The following NDUFS6 variants were observed in gnomAD, a reference collection of about 807,000 sequenced individuals.
NDUFS6 encodes the protein NADH dehydrogenase [ubiquinone] iron-sulfur protein 6, mitochondrial.
A neutral mutation model predicts 13.2 loss-of-function variants in NDUFS6; 14 were observed. The observed-to-expected ratio is 1.06, with a 90% CI of 0.70 to 1.66. The LOEUF (loss-of-function observed/expected upper bound fraction) is 1.66. Among genes scored for constraint, NDUFS6 ranks in the 40% most tolerant of loss-of-function variants. The pLI, the probability that NDUFS6 is intolerant of heterozygous loss-of-function variation, is 0.00. For synonymous variants in NDUFS6, 95 were observed against 72.3 expected (o/e 1.31, Z -1.60); for missense variants, 206 against 170.8 (o/e 1.21, Z -1.15).
intron 2 of NDUFS6, among the ~76,000 whole-genome samples, chr5:1,809,496 G>A (rs1350482433): frequency 5.3e-5 from 8 of 152,270 alleles, no homozygotes; most frequent in East Asian, 1.9e-4. Context: ...GTATTCCTGC[G>A]GTTGCACTGA....
Position 1,814,365 on chromosome 5 carries a change from G to C in NDUFS6, c.213G>C (p.Leu71Phe), listed in dbSNP as rs35349407. Residue 71 changes from leucine (L) to phenylalanine (F), a missense_variant, in exon 3 of 4, where the codon TTG becomes TTC. Leu to Phe is a conservative substitution (Grantham distance 22). Coordinates refer to ENST00000274137, the MANE Select transcript of NDUFS6 (RefSeq NM_004553.6). This position sits in a 1 kb window ranked among gnomAD's most constrained non-coding sequence, Gnocchi z 4.9. ...KEVNENFAID[L>F]IAEQPVSEVE... ...TGAATGAAAACTTTGCCATTGATTTGATAGCAGAGCAGCCCGTGAGCGAGG... is the reference window on the plus strand; with the variant it reads ...TGAATGAAAACTTTGCCATTGATTTCATAGCAGAGCAGCCCGTGAGCGAGG... 2 of 1,614,186 alleles carry C rather than the reference G, an allele frequency of 1.2e-6. No homozygotes were observed. Among genetic ancestry groups the C allele is most frequent in the Non-Finnish European group, 1.7e-6 (2 of 1,180,030 alleles).
chr5:1,815,707 C>G (rs10078791), intron 3 of NDUFS6, 144 bp from the exon 4 acceptor site: 2 of 883,722 alleles, frequency 2.3e-6, no homozygotes, highest in African/African-American at 3.4e-5. Flanking sequence ...GAACCGAGAT[C>G]GACAGTCTGC....
chr5:1,806,588 A>T (rs1024625654), intron 2 of NDUFS6, among the ~76,000 whole-genome samples: 1 of 152,170 alleles, frequency 6.6e-6, no homozygotes, highest in African/African-American at 2.4e-5. Flanking sequence ...GAGTGTGTAG[A>T]TTTCGTTAAT....
chr5:1,802,722 A>C (rs1247265417), intron 2 of NDUFS6, among the ~76,000 whole-genome samples: 1 of 152,162 alleles, frequency 6.6e-6, no homozygotes, highest in Non-Finnish European at 1.5e-5. Flanking sequence ...TGTTTTTTAT[A>C]GTTTTCACCA....
chr5:1,809,621 C>G (rs1041553136), intron 2 of NDUFS6, among the ~76,000 whole-genome samples: 4 of 152,250 alleles, frequency 2.6e-5, no homozygotes, highest in African/African-American at 9.6e-5. Flanking sequence ...GCGTCAGCAG[C>G]CCTCCCTGCA....
intron 2 of NDUFS6, among the ~76,000 whole-genome samples, chr5:1,808,590 C>A (rs1195486629): frequency 3.3e-5 from 5 of 152,128 alleles, no homozygotes; most frequent in African/African-American, 1.2e-4. Flanking sequence ...ATGCAGCTCC[C>A]CAGCTTCGTC....
chr5:1,805,047 G>T (rs1024030494), intron 2 of NDUFS6, among the ~76,000 whole-genome samples: 10 of 152,188 alleles, frequency 6.6e-5, no homozygotes, highest in African/African-American at 2.4e-4. Flanking sequence ...GAAGTAAACT[G>T]GGCCAGGCAC....
At chr5:1,806,393 C>T (rs1734123409) in intron 2 of NDUFS6, among the ~76,000 whole-genome samples, 1 of 152,170 alleles carries the variant, frequency 6.6e-6, no homozygotes, top group Non-Finnish European at 1.5e-5. Flanking sequence ...TTTTCTGAGA[C>T]ACCTAGGCTG....
At chr5:1,811,703 C>T (rs1156513464) in intron 2 of NDUFS6, among the ~76,000 whole-genome samples, 1 of 152,200 alleles carries the variant, frequency 6.6e-6, no homozygotes, top group Non-Finnish European at 1.5e-5. Context: ...TGTCTCTTGT[C>T]TCTGCATGTT....
chr5:1,814,685 A>C lies in NDUFS6; in HGVS notation c.309+224A>C, dbSNP rs1734280028. ...TTTCAACTGTGAAGTGGTGGGCGGC[A>C]TGTTTCTCTTCTCGGACGCCCAAGC... On this transcript the variant is annotated intron_variant, in intron 3 of 3. Coordinates refer to ENST00000274137, the MANE Select transcript of NDUFS6 (RefSeq NM_004553.6). This position sits in a 1 kb window ranked among gnomAD's most constrained non-coding sequence, Gnocchi z 4.9. The C allele has an allele frequency of 4.0e-6, 3 of 747,034 alleles. No individual in the cohort carries two copies. Among genetic ancestry groups the C allele is most frequent in the Non-Finnish European group, 7.0e-6 (3 of 425,874 alleles). The allele number at this position is 747,034 out of a possible 1,614,324, so 46.3% of individuals were successfully genotyped here.
chr5:1,807,505 G>T (rs1415778295), intron 2 of NDUFS6, among the ~76,000 whole-genome samples: 5 of 152,150 alleles, frequency 3.3e-5, no homozygotes, highest in Non-Finnish European at 7.3e-5. Context: ...TTGACCAGAG[G>T]TTCCTCCCTG....
chr5:1,810,345 TGTA>T (rs1734199284), intron 2 of NDUFS6, among the ~76,000 whole-genome samples: 1 of 152,068 alleles, frequency 6.6e-6, no homozygotes, highest in African/African-American at 2.4e-5. Context: ...CTGCTGGGGG[TGTA>T]GAGTTGAGTT....
Position 1,802,776 on chromosome 5 carries a change from C to T in NDUFS6, c.186+402C>T, listed in dbSNP as rs977531789. ...TTTTACAGGGACTTACACTGACAAG[C>T]TGAAAATGGCACATGAGTTTTTCTT... is the stretch of plus-strand genomic sequence containing the variant. On this transcript the variant is annotated intron_variant, in intron 2 of 3. Transcript: ENST00000274137. 3.3e-5 allele frequency among the ~76,000 whole-genome samples: 5 copies of T among 152,146 alleles called. No individual in the cohort carries two copies. The South Asian group carries it at 1.0e-3, about 31-fold the overall frequency.
Position 1,801,422 on chromosome 5 carries a change from C to T in NDUFS6, c.5C>T (p.Ala2Val), listed in dbSNP as rs970012846. M[A>V]AAMTFCRLLN... is the part of the protein sequence containing the mutation. ...GTCAAAGGCCAGCGGCGCAAAATGG[C>T]GGCGGCGATGACCTTCTGCCGGCTG... The change falls in exon 1 of 4, where the codon GCG becomes GTG. Residue 2 changes from alanine (A) to valine (V), a missense_variant. Coordinates refer to ENST00000274137, the MANE Select transcript of NDUFS6 (RefSeq NM_004553.6). 1 of 1,605,006 alleles carries T rather than the reference C, an allele frequency of 6.2e-7. No homozygotes were observed.
intron 1 of NDUFS6, chr5:1,802,069 C>T (rs952253643): frequency 3.9e-6 from 2 of 509,758 alleles, no homozygotes; most frequent in Non-Finnish European, 7.0e-6. Flanking sequence ...CAGGATTTGT[C>T]TCTCCTCCTT....
In NDUFS6 at chr5:1,814,087, C is replaced by T. The variant is rs747661698; in HGVS notation, c.187-252C>T. ...CACGTGTCAGCATTTGCTGGGTCCA[C>T]GGGGACAGAAGGGAAAGGCTCTGTG... On this transcript the variant is annotated intron_variant, in intron 2 of 3. Coordinates refer to ENST00000274137, the MANE Select transcript of NDUFS6 (RefSeq NM_004553.6). This position sits in a 1 kb window ranked among gnomAD's most constrained non-coding sequence, Gnocchi z 4.9. Among the ~76,000 whole-genome samples the T allele has an allele frequency of 2.6e-5, 4 of 152,190 alleles. No individual in the cohort carries two copies. Among genetic ancestry groups the T allele is most frequent in the East Asian group, 1.9e-4 (1 of 5,198 alleles).
At chr5:1,802,283 C>G (rs760116669) in intron 1 of NDUFS6, 38 bp from the exon 2 acceptor site, 1 of 1,550,382 alleles carries the variant, frequency 6.5e-7, no homozygotes, top group Admixed American at 1.7e-5. Context: ...CAGAATTAGG[C>G]CGTAAAAGTC....
intron 1 of NDUFS6, 86 bp from the exon 2 acceptor site, chr5:1,802,235 C>T (rs943945717): frequency 7.7e-7 from 1 of 1,301,528 alleles, no homozygotes; most frequent in Non-Finnish European, 1.1e-6. Context: ...AAGAAAAACA[C>T]TTTCCTGTAA....
At chr5:1,806,054 A>G (rs563573585) in intron 2 of NDUFS6, among the ~76,000 whole-genome samples, 1 of 152,352 alleles carries the variant, frequency 6.6e-6, no homozygotes, top group African/African-American at 2.4e-5. Flanking sequence ...CGCCACCACC[A>G]TGAGGGCAGG....
Sources: allele counts gnomAD v4.1 joint callset (sites outside exome capture counted in the v4.1 genomes callset), GRCh38; gene constraint gnomAD v4.1.1; non-coding constraint Gnocchi (gnomAD v3.1); transcripts MANE v1.5; gene names NCBI Gene and HGNC (gene_info 2026-07-23, HGNC 2026-07-21).